The following CFAP90 variants were observed in gnomAD, a reference collection of about 807,000 sequenced individuals.
CFAP90 encodes cilia- and flagella-associated protein 90.
chr5:7,842,141 A>T, the CFAP90 span, among the ~76,000 whole-genome samples: 3 of 151,418 alleles, frequency 2.0e-5, no homozygotes, highest in Non-Finnish European at 2.9e-5. Flanking sequence ...GTGCCCCATG[A>T]CTCCTCCCAA....
the CFAP90 span, chr5:7,850,879 G>T: frequency 7.5e-7 from 1 of 1,326,046 alleles, no homozygotes. Context: ...CCTCACCCGC[G>T]CCGGGCGGTA....
the CFAP90 span, among the ~76,000 whole-genome samples, chr5:7,849,643 C>A: frequency 6.6e-6 from 1 of 152,208 alleles, no homozygotes; most frequent in Non-Finnish European, 1.5e-5. Flanking sequence ...ACTTTTCCTG[C>A]CTTTGGCCGC....
At chr5:7,836,308 C>T in the CFAP90 span, among the ~76,000 whole-genome samples, 1 of 152,138 alleles carries the variant, frequency 6.6e-6, no homozygotes, top group African/African-American at 2.4e-5. Context: ...GAAAAACAAA[C>T]AATACCTACA....
the CFAP90 span, among the ~76,000 whole-genome samples, chr5:7,844,539 G>A: frequency 6.6e-6 from 1 of 152,150 alleles, no homozygotes; most frequent in Non-Finnish European, 1.5e-5. Flanking sequence ...CACATTTAGT[G>A]GGAGAAAACA....
chr5:7,843,377 T>C, the CFAP90 span, among the ~76,000 whole-genome samples: 1 of 152,242 alleles, frequency 6.6e-6, no homozygotes, highest in Non-Finnish European at 1.5e-5. Flanking sequence ...TGATTTTTCC[T>C]GTGGAAAAGA....
the CFAP90 span, among the ~76,000 whole-genome samples, chr5:7,844,224 A>G: frequency 5.4e-4 from 83 of 152,294 alleles, 1 homozygote; most frequent in Non-Finnish European, 9.6e-4. Context: ...GGAGAGTGAA[A>G]ATGCAACTAG....
chr5:7,850,889 A>C, the CFAP90 span: 1 of 1,337,656 alleles, frequency 7.5e-7, no homozygotes, highest in Non-Finnish European at 9.6e-7. Context: ...GCCGGGCGGT[A>C]GTAGTAGCTG....
the CFAP90 span, among the ~76,000 whole-genome samples, chr5:7,847,822 A>G: frequency 1.3e-5 from 2 of 152,218 alleles, no homozygotes; most frequent in African/African-American, 2.4e-5. Flanking sequence ...GCCTGCCAGG[A>G]TCAATTTCAC....
chr5:7,846,522 A>G, the CFAP90 span, among the ~76,000 whole-genome samples: 2 of 152,062 alleles, frequency 1.3e-5, no homozygotes, highest in East Asian at 3.9e-4. Context: ...AGCTCTCTGG[A>G]GTCTCTTTAA....
the CFAP90 span, among the ~76,000 whole-genome samples, chr5:7,848,703 G>A: frequency 0.15 from 23,287 of 152,168 alleles, 2,187 homozygotes; most frequent in Middle Eastern, 0.25. Flanking sequence ...GGGAGGGACC[G>A]TCTGGAGATA....
At chr5:7,835,277 A>T in the CFAP90 span, 5 of 648,098 alleles carry the variant, frequency 7.7e-6, no homozygotes, top group East Asian at 1.3e-4. Flanking sequence ...TAAAAAATAC[A>T]GTATCTATGA....
chr5:7,850,830 AGCCGCCC>A, the CFAP90 span: 1 of 825,930 alleles, frequency 1.2e-6, no homozygotes, highest in Non-Finnish European at 1.5e-6. Flanking sequence ...CCAGCCGCCC[AGCCGCCC>A]AGCCTTCCGG....
chr5:7,838,534 G>A, the CFAP90 span, among the ~76,000 whole-genome samples: 1 of 152,196 alleles, frequency 6.6e-6, no homozygotes, highest in African/African-American at 2.4e-5. Context: ...ATTCTCCAGA[G>A]TAAAGACATT....
the CFAP90 span, among the ~76,000 whole-genome samples, chr5:7,845,454 G>C: frequency 6.6e-6 from 1 of 152,150 alleles, no homozygotes; most frequent in East Asian, 1.9e-4. Context: ...CCAAACCTAA[G>C]GTGGGGCCTT....
chr5:7,835,346 T>A, the CFAP90 span: 1 of 1,173,258 alleles, frequency 8.5e-7, no homozygotes, highest in Non-Finnish European at 1.2e-6. Context: ...TTTGTTAATC[T>A]GTTGACAACT....
the CFAP90 span, chr5:7,850,794 GCCCAGCC>G: frequency 2.5e-5 from 5 of 198,372 alleles, no homozygotes; most frequent in Admixed American, 1.4e-3. Flanking sequence ...CTGCCCAGCC[GCCCAGCC>G]GCCCAGCCGC....
chr5:7,835,637 C>A, the CFAP90 span: 1 of 586,108 alleles, frequency 1.7e-6, no homozygotes. Context: ...AAGTTCACCT[C>A]ACCAAGCAGA....
At chr5:7,846,354 G>C in the CFAP90 span, among the ~76,000 whole-genome samples, 1 of 152,148 alleles carries the variant, frequency 6.6e-6, no homozygotes, top group Non-Finnish European at 1.5e-5. Flanking sequence ...CCATACGCTG[G>C]GTGATTTATA....
chr5:7,832,885 G>C, the CFAP90 span, among the ~76,000 whole-genome samples: 1 of 152,236 alleles, frequency 6.6e-6, no homozygotes, highest in African/African-American at 2.4e-5. Context: ...TCCTGAGGAA[G>C]ACAATAACTT....
Sources: gnomAD v4.1 joint callset for allele counts (sites outside exome capture counted in the v4.1 genomes callset) on GRCh38, gnomAD v4.1.1 for gene constraint, MANE v1.5 for transcripts, NCBI Gene and HGNC (gene_info 2026-07-23, HGNC 2026-07-21) for gene names.